Variants in OR4D1 observed in about 807,000 individuals in gnomAD.
OR4D1 encodes olfactory receptor family 4 subfamily D member 1.
Under a neutral mutation model 14.2 loss-of-function variants are expected in OR4D1, and 10 were observed. The observed-to-expected ratio is 0.71, with a 90% confidence interval of 0.44 to 1.20. The LOEUF is 1.20. OR4D1 is among the 50% of genes most tolerant of loss of function. OR4D1 has a pLI of 0.00. For synonymous variants in OR4D1, 141 were observed against 147.4 expected (o/e 0.96, Z 0.32); for missense variants, 345 against 376.6 (o/e 0.92, Z 0.70).
chr17:58,151,479 A>G (rs1967704433), intron 2 of OR4D1, among the ~76,000 whole-genome samples: 1 of 151,830 alleles, frequency 6.6e-6, no homozygotes, highest in Non-Finnish European at 1.5e-5. Context: ...GTGTGTTCTC[A>G]TCGTTCAGCT....
intron 1 of OR4D1, among the ~76,000 whole-genome samples, 173 bp downstream of exon 1, chr17:58,148,757 A>T (rs144808506): frequency 2.6e-4 from 40 of 152,114 alleles, no homozygotes; most frequent in African/African-American, 9.4e-4. Flanking sequence ...CGGAATATAG[A>T]CATACACTGT....
chr17:58,156,126 AT>A lies in OR4D1; in HGVS notation c.*45del. On this transcript the variant is annotated 3_prime_UTR_variant, in exon 4 of 4. Transcript: ENST00000268912. ...GACTTTAAATGACAAATTTCTCTGG[AT>A]TTTTATTTTCCCACATGAAAAATGG... is the stretch of plus-strand genomic sequence containing the variant. The A allele has an allele frequency of 1.5e-6, 2 of 1,319,036 alleles. No homozygotes were observed. Among genetic ancestry groups the A allele is most frequent in the Non-Finnish European group, 2.1e-6 (2 of 971,336 alleles). The allele number at this position is 1,319,036 out of a possible 1,614,324, so 81.7% of individuals were successfully genotyped here. A position where few individuals can be genotyped will look rare whatever the true frequency, so the allele number is the denominator to read the frequency against.
Position 58,155,439 on chromosome 17 carries a change from G to A in OR4D1, c.286G>A (p.Gly96Ser), listed in dbSNP as rs759337378. The A allele has an allele frequency of 1.2e-6, 2 of 1,614,124 alleles. No homozygotes were observed. The highest frequency in any genetic ancestry group is 3.3e-5 in the Admixed American group (2 of 60,022). Reference protein sequence around the residue: ...LHETKTISYQGCMAQIFFFHL... With the variant: ...LHETKTISYQSCMAQIFFFHL... ...TGAGACCAAGACGATCTCCTACCAGGGCTGCATGGCCCAGATCTTCTTCTT... is the reference window on the plus strand; with the variant it reads ...TGAGACCAAGACGATCTCCTACCAGAGCTGCATGGCCCAGATCTTCTTCTT... Residue 96 changes from glycine to serine, a missense_variant, in exon 4 of 4, where the codon GGC becomes AGC. Transcript: ENST00000268912.
In OR4D1 at chr17:58,157,498, C is replaced by A; in HGVS notation, c.*1412C>A. On this transcript the variant is annotated 3_prime_UTR_variant, in exon 4 of 4. Transcript: ENST00000268912. ...AGGGCAAGTTGCTCCAGAAACAGTA[C>A]CTCTCCATTGCAGAGGGTGCGGACT... is the stretch of plus-strand genomic sequence containing the variant. The A allele has an allele frequency of 8.5e-7, 1 of 1,173,888 alleles. No individual in the cohort carries two copies. The highest frequency in any genetic ancestry group is 1.3e-6 in the Non-Finnish European group (1 of 781,396). The allele number at this position is 1,173,888 out of a possible 1,614,324, so 72.7% of individuals were successfully genotyped here. A position where few individuals can be genotyped will look rare whatever the true frequency, so the allele number is the denominator to read the frequency against.
chr17:58,150,294 G>A (rs1191085798), intron 2 of OR4D1, among the ~76,000 whole-genome samples: 1 of 152,216 alleles, frequency 6.6e-6, no homozygotes, highest in Non-Finnish European at 1.5e-5. Flanking sequence ...TTTTGAAATA[G>A]AGGGGGAAGA....
At position 58,157,364 on chromosome 17, in the gene OR4D1, A is replaced by G. The variant is rs909873593; in HGVS notation, c.*1278A>G. On this transcript the variant is annotated 3_prime_UTR_variant, in exon 4 of 4. Transcript: ENST00000268912. ...GCGTGGATGCAGGAACCCTGCTGAT[A>G]ATTCGCCGCCGCCAAGACACGTGAG... is the stretch of plus-strand genomic sequence containing the variant. The G allele has an allele frequency of 1.4e-6, 2 of 1,389,480 alleles. No individual in the cohort carries two copies. Among genetic ancestry groups the G allele is most frequent in the Non-Finnish European group, 2.0e-6 (2 of 1,010,396 alleles). The allele number at this position is 1,389,480 out of a possible 1,614,324, so 86.1% of individuals were successfully genotyped here. A position where few individuals can be genotyped will look rare whatever the true frequency, so the allele number is the denominator to read the frequency against.
rs919857205 is a variant in OR4D1, at chr17:58,159,007, C to T, written c.*2921C>T. The T allele has an allele frequency of 1.3e-5, 2 of 152,106 alleles. No homozygotes were observed. The highest frequency in any genetic ancestry group is 2.9e-5 in the Non-Finnish European group (2 of 68,022). The allele number at this position is 152,106 out of a possible 1,614,324, so 9.4% of individuals were successfully genotyped here. A position where few individuals can be genotyped will look rare whatever the true frequency, so the allele number is the denominator to read the frequency against. On this transcript the variant is annotated 3_prime_UTR_variant, in exon 4 of 4. Coordinates refer to ENST00000268912, the MANE Select transcript of OR4D1 (RefSeq NM_001386095.1). ...CCATCTCTCCCATCCCTCCAGTATG[C>T]CTTTACCCCTTTGAAAGGGTGCCTT...
In OR4D1 at chr17:58,155,993, C is replaced by T; in HGVS notation, c.840C>T (p.Pro280=). The T allele has an allele frequency of 6.8e-7, 1 of 1,478,844 alleles. No individual in the cohort carries two copies. The highest frequency in any genetic ancestry group is 1.4e-5 in the South Asian group (1 of 70,346). The allele number at this position is 1,478,844 out of a possible 1,614,324, so 91.6% of individuals were successfully genotyped here. A position where few individuals can be genotyped will look rare whatever the true frequency, so the allele number is the denominator to read the frequency against. Residue 280 remains proline (P), a synonymous_variant, in exon 4 of 4, where the codon CCC becomes CCT. Transcript: ENST00000268912. ...AVSISYTVMT[P]MLNPMIYTLR... is the part of the protein sequence containing the mutation. The stretch of plus-strand genomic sequence containing the variant: ...CCATCAGCTACACAGTCATGACCCC[C>T]ATGCTCAACCCCATGATCTACACCC...
chr17:58,152,185 A>G (rs551069999), intron 2 of OR4D1, among the ~76,000 whole-genome samples: 8 of 152,324 alleles, frequency 5.3e-5, no homozygotes, highest in Non-Finnish European at 1.0e-4. Flanking sequence ...TTGTATTTTC[A>G]GTAGAGATGG....
At position 58,155,706 on chromosome 17, in the gene OR4D1, C is replaced by G. The variant is rs373976587; in HGVS notation, c.553C>G (p.Leu185Val). 3.0e-5 allele frequency: 48 copies of G among 1,614,036 alleles called. No individual in the cohort carries two copies. Among genetic ancestry groups the G allele is most frequent in the Non-Finnish European group, 4.1e-5 (48 of 1,180,022 alleles). Residue 185 changes from leucine (L) to valine (V), a missense_variant, in exon 4 of 4, where the codon CTG (leucine) becomes GTG (valine). Physicochemically the swap from Leu to Val is conservative, Grantham distance 32. Transcript: ENST00000268912. ...CTTCTACTGTGATGTTCCCCAAGTA[C>G]TGAGACTTGCCTGCACTGATACCTC... ...DNFYCDVPQVLRLACTDTSLL... is the reference protein window; with the variant it reads ...DNFYCDVPQVVRLACTDTSLL...
rs1194646115 is a variant in OR4D1, at chr17:58,155,298, G to A, written c.145G>A (p.Val49Met). 11 of 1,613,986 alleles carry A rather than the reference G, an allele frequency of 6.8e-6. No homozygotes were observed. The highest frequency in any genetic ancestry group is 1.7e-5 in the Admixed American group (1 of 60,010). Residue 49 changes from valine (V) to methionine (M), a missense_variant, in exon 4 of 4, where the codon GTG becomes ATG. Coordinates refer to ENST00000268912, the MANE Select transcript of OR4D1 (RefSeq NM_001386095.1). The part of the protein sequence containing the change: ...IVGNLLIMVT[V>M]TFDCRLHTPM... Reference sequence around the variant, plus strand: ...GGGAAACCTCCTTATCATGGTCACAGTGACTTTTGACTGCCGGCTCCACAC... The same window carrying A: ...GGGAAACCTCCTTATCATGGTCACAATGACTTTTGACTGCCGGCTCCACAC...
chr17:58,152,742 AG>A (rs1967716580), intron 2 of OR4D1, among the ~76,000 whole-genome samples: 1 of 152,102 alleles, frequency 6.6e-6, no homozygotes, highest in African/African-American at 2.4e-5. Context: ...TGAAACCAGC[AG>A]GGGCAACATG....
rs1383400050 is a variant in OR4D1 at position 58,158,580 on chromosome 17, A to C, written c.*2494A>C. 3 of 151,564 alleles carry C rather than the reference A, an allele frequency of 2.0e-5. No individual in the cohort carries two copies. Among genetic ancestry groups the C allele is most frequent in the Non-Finnish European group, 4.4e-5 (3 of 67,990 alleles). 9.4% of individuals were successfully genotyped at this position (151,564 alleles called of 1,614,324 possible). On this transcript the variant is annotated 3_prime_UTR_variant, in exon 4 of 4. Transcript: ENST00000268912. ...AGGTAGAAAATTAGAAATACTTCCT[A>C]ATTCTTCTCAAGGCTGTTGCTTTAC... is the stretch of plus-strand genomic sequence containing the variant.
Position 58,156,194 on chromosome 17 carries a change from T to C in OR4D1, c.*108T>C, listed in dbSNP as rs1056631916. ...AGCATAACAAATCAGATTACACTTATATTTCTTGAGGACCTAGTGCTGTGT... is the reference window on the plus strand; with the variant it reads ...AGCATAACAAATCAGATTACACTTACATTTCTTGAGGACCTAGTGCTGTGT... On this transcript the variant is annotated 3_prime_UTR_variant, in exon 4 of 4. Coordinates refer to ENST00000268912, the MANE Select transcript of OR4D1 (RefSeq NM_001386095.1). The C allele has an allele frequency of 6.5e-6, 5 of 765,550 alleles. No homozygotes were observed. In the African/African-American group the frequency reaches 7.0e-5, roughly 11 times the overall value. 47.4% of individuals were successfully genotyped at this position (765,550 alleles called of 1,614,324 possible).
At position 58,157,915 on chromosome 17, in the gene OR4D1, A is replaced by G; in HGVS notation, c.*1829A>G. ...CTCCTGTTCTGCAAACCCTGAGTGC[A>G]CCACCCTAAGCGGCTAGGCCGGCAG... On this transcript the variant is annotated 3_prime_UTR_variant, in exon 4 of 4. Coordinates refer to ENST00000268912, the MANE Select transcript of OR4D1 (RefSeq NM_001386095.1). 9.2e-7 allele frequency: 1 copy of G among 1,089,518 alleles called. No homozygotes were observed. The highest frequency in any genetic ancestry group is 1.4e-6 in the Non-Finnish European group (1 of 724,336). 67.5% of individuals were successfully genotyped at this position (1,089,518 alleles called of 1,614,324 possible).
Position 58,156,927 on chromosome 17 carries a change from G to GCCCT in OR4D1, c.*848_*851dup. The GCCCT allele has an allele frequency of 1.6e-6, 1 of 620,476 alleles. No individual in the cohort carries two copies. Among genetic ancestry groups the GCCCT allele is most frequent in the East Asian group, 2.9e-5 (1 of 34,284 alleles). 38.4% of individuals were successfully genotyped at this position (620,476 alleles called of 1,614,324 possible). A position where few individuals can be genotyped will look rare whatever the true frequency, so the allele number is the denominator to read the frequency against. ...ACTGTGGAATTTAGAAAGTTATCTC[G>GCCCT]CCCTCCCTCCTCCCCCACAAAAAAA... is the stretch of plus-strand genomic sequence containing the variant. On this transcript the variant is annotated 3_prime_UTR_variant, in exon 4 of 4. Coordinates refer to ENST00000268912, the MANE Select transcript of OR4D1 (RefSeq NM_001386095.1).
Position 58,158,038 on chromosome 17 carries a change from G to A in OR4D1, c.*1952G>A. 1 of 325,818 alleles carries A rather than the reference G, an allele frequency of 3.1e-6. No homozygotes were observed. The highest frequency in any genetic ancestry group is 5.6e-6 in the Non-Finnish European group (1 of 179,242). 20.2% of individuals were successfully genotyped at this position (325,818 alleles called of 1,614,324 possible). ...AGGTGCCCCCTTCTCCTTTCACAAAGATTGGCTCTGATGGTTTTTATGTAT... is the reference window on the plus strand; with the variant it reads ...AGGTGCCCCCTTCTCCTTTCACAAAAATTGGCTCTGATGGTTTTTATGTAT... On this transcript the variant is annotated 3_prime_UTR_variant, in exon 4 of 4. Coordinates refer to ENST00000268912, the MANE Select transcript of OR4D1 (RefSeq NM_001386095.1).
Sources: gnomAD v4.1 joint callset for allele counts (sites outside exome capture counted in the v4.1 genomes callset) on GRCh38, gnomAD v4.1.1 for gene constraint, MANE v1.5 for transcripts, NCBI Gene and HGNC (gene_info 2026-07-23, HGNC 2026-07-21) for gene names.